Variants in UGT2B11 observed in about 807,000 individuals in gnomAD.
The protein encoded by UGT2B11 is UDP-glucuronosyltransferase 2B11.
In UGT2B11, 49 loss-of-function variants were observed where a neutral mutation model predicts 51.7. The observed-to-expected ratio is 0.95, with a 90% CI of 0.75 to 1.20. The LOEUF (loss-of-function observed/expected upper bound fraction) is 1.20, where lower values mean the gene tolerates loss of function less well. Among genes scored for constraint, UGT2B11 ranks in the 50% most tolerant of loss-of-function variants. The pLI is 0.00. For missense variants in UGT2B11, 810 were observed against 622.1 expected (o/e 1.30, Z -3.21); for synonymous variants, 273 against 209.0 (o/e 1.31, Z -2.64).
intron 2 of UGT2B11, among the ~76,000 whole-genome samples, chr4:69,209,736 A>G (rs965268504): frequency 1.3e-5 from 2 of 151,556 alleles, no homozygotes; most frequent in Non-Finnish European, 3.0e-5. Flanking sequence ...ACCTGTAGCC[A>G]CATTTAATGT....
chr4:69,204,338 A>G (rs193178715), intron 5 of UGT2B11, 92 bp downstream of exon 5: 145 of 1,526,060 alleles, frequency 9.5e-5, no homozygotes, highest in Non-Finnish European at 1.2e-4. Context: ...TTTCAAGATT[A>G]CTCTCTTATA....
intron 5 of UGT2B11, among the ~76,000 whole-genome samples, chr4:69,200,999 T>C (rs1453235578): frequency 5.3e-5 from 8 of 151,178 alleles, no homozygotes; most frequent in Admixed American, 2.0e-4. Context: ...TGGCTTTTAA[T>C]TGTTTAATGT....
upstream of UGT2B11, among the ~76,000 whole-genome samples, chr4:69,219,660 G>T (rs1722362436): frequency 6.6e-6 from 1 of 152,128 alleles, no homozygotes; most frequent in African/African-American, 2.4e-5. Flanking sequence ...ATGGAGGCAG[G>T]CAAGAAGACT....
At position 69,214,017 on chromosome 4, in the gene UGT2B11, A is replaced by G. The variant is rs1161562528; in HGVS notation, c.706T>C (p.Tyr236His). 1.3e-6 allele frequency: 2 copies of G among 1,585,834 alleles called. No homozygotes were observed. The highest frequency in any genetic ancestry group is 1.7e-4 in the Middle Eastern group (1 of 5,896). ...AAATTCTTACCTAAAACTTCACTGT[A>G]AAACTGATCCCACTTCTTCATATCA... ...MSDMKKWDQFYSEVLGRPTTL... is the reference protein window; with the variant it reads ...MSDMKKWDQFHSEVLGRPTTL... The change falls in exon 1 of 6, where the codon TAC (tyrosine) becomes CAC (histidine). Residue 236 changes from tyrosine (Y) to histidine (H), a missense_variant. Physicochemically the swap from Tyr to His is moderately conservative, Grantham distance 83. Coordinates refer to ENST00000446444, the MANE Select transcript of UGT2B11 (RefSeq NM_001073.3).
In UGT2B11 at chr4:69,200,542, A is replaced by G; in HGVS notation, c.1488T>C (p.Phe496=). 1.9e-6 allele frequency: 3 copies of G among 1,612,436 alleles called. No homozygotes were observed. The highest frequency in any genetic ancestry group is 2.5e-6 in the Non-Finnish European group (3 of 1,178,986). The change falls in exon 6 of 6, where the codon TTT becomes TTC. Residue 496 remains phenylalanine, a synonymous_variant. Coordinates refer to ENST00000446444, the MANE Select transcript of UGT2B11 (RefSeq NM_001073.3). The part of the protein sequence containing the change: ...FQYHSLDVIG[F]LLACVATVIF... Reference sequence around the variant, plus strand: ...TCACAGTTGCCACACAGGCCAGCAGAAACCCAATCACATCCAAAGAGTGGT... The same window carrying G: ...TCACAGTTGCCACACAGGCCAGCAGGAACCCAATCACATCCAAAGAGTGGT...
Position 69,204,661 on chromosome 4 carries a change from T to A in UGT2B11, c.1091-12A>T. ...GGTTTTTGGATGACCTAGGATTGGATGAATTTTAGCAAAATTATTCATAGG... is the reference window on the plus strand; with the variant it reads ...GGTTTTTGGATGACCTAGGATTGGAAGAATTTTAGCAAAATTATTCATAGG... On this transcript the variant is annotated splice_polypyrimidine_tract_variant and intron_variant, in intron 4 of 5. Coordinates refer to ENST00000446444, the MANE Select transcript of UGT2B11 (RefSeq NM_001073.3). The A allele has an allele frequency of 1.9e-6, 3 of 1,611,076 alleles. No homozygotes were observed. Among genetic ancestry groups the A allele is most frequent in the East Asian group, 2.2e-5 (1 of 44,704 alleles).
intron 2 of UGT2B11, among the ~76,000 whole-genome samples, chr4:69,210,117 T>C (rs1465522383): frequency 6.6e-6 from 1 of 151,578 alleles, no homozygotes; most frequent in African/African-American, 2.4e-5. Flanking sequence ...TTGTTATATT[T>C]ATCATTTTCC....
At chr4:69,211,636 G>A (rs899152340) in intron 2 of UGT2B11, among the ~76,000 whole-genome samples, 1 of 151,458 alleles carries the variant, frequency 6.6e-6, no homozygotes, top group Non-Finnish European at 1.5e-5. Flanking sequence ...AACACAATAT[G>A]AAGTTGGCAC....
chr4:69,221,545 T>A, the UGT2B11 span, among the ~76,000 whole-genome samples: 1 of 152,240 alleles, frequency 6.6e-6, no homozygotes, highest in African/African-American at 2.4e-5. Context: ...ATGTAGATAA[T>A]GGCCCCAGCT....
chr4:69,208,546 T>C, intron 2 of UGT2B11, 64 bp from the exon 3 acceptor site: 2 of 1,569,104 alleles, frequency 1.3e-6, no homozygotes, highest in East Asian at 2.3e-5. Context: ...CTGAAAGAAT[T>C]GGTACCAAAT....
intron 3 of UGT2B11, among the ~76,000 whole-genome samples, chr4:69,205,965 C>A (rs1298625698): frequency 6.6e-6 from 1 of 151,458 alleles, no homozygotes; most frequent in African/African-American, 2.4e-5. Context: ...ATTAAAAATT[C>A]AAAAAATATC....
At chr4:69,206,479 G>A (rs1301047360) in intron 3 of UGT2B11, among the ~76,000 whole-genome samples, 1 of 151,480 alleles carries the variant, frequency 6.6e-6, no homozygotes, top group Non-Finnish European at 1.5e-5. Context: ...ATTGGAGGGT[G>A]GAGGGTGGGA....
intron 2 of UGT2B11, among the ~76,000 whole-genome samples, chr4:69,208,856 C>T (rs192178897): frequency 1.2e-3 from 177 of 151,610 alleles, no homozygotes; most frequent in Middle Eastern, 3.4e-3. Context: ...GGCTTTAATC[C>T]TATGTTTTTG....
In UGT2B11 at chr4:69,209,802, C is replaced by A. The variant is rs534283494; in HGVS notation, c.871-1320G>T. Among the ~76,000 whole-genome samples the A allele has an allele frequency of 3.3e-5, 5 of 151,566 alleles. No individual in the cohort carries two copies. The East Asian group carries it at 9.8e-4, about 30-fold the overall frequency. On this transcript the variant is annotated intron_variant, in intron 2 of 5. Transcript: ENST00000446444. ...TTGATATCAGAGCCTTGTTTTTCTACTAGGTGTTGAAGGAATCTAATCTCT... is the reference window on the plus strand; with the variant it reads ...TTGATATCAGAGCCTTGTTTTTCTAATAGGTGTTGAAGGAATCTAATCTCT...
chr4:69,212,687 T>A lies in UGT2B11; in HGVS notation c.756A>T (p.Lys252Asn). 6.2e-7 allele frequency: 1 copy of A among 1,609,430 alleles called. No individual in the cohort carries two copies. Among genetic ancestry groups the A allele is most frequent in the Non-Finnish European group, 8.5e-7 (1 of 1,177,452 alleles). Residue 252 changes from lysine to asparagine, a missense_variant, in exon 2 of 6, where the codon AAA becomes AAT. Transcript: ENST00000446444. ...RPTTLFETMG[K>N]ADIWLMRNSW... The stretch of plus-strand genomic sequence containing the variant: ...AGTTTCGCATAAGCCATATGTCAGC[T>A]TTTCCCATTGTCTCAAATAAGGTAG...
chr4:69,211,280 A>T (rs1215408572), intron 2 of UGT2B11: 1 of 151,568 alleles, frequency 6.6e-6, no homozygotes, highest in African/African-American at 2.4e-5. Flanking sequence ...GTTGAGGAAG[A>T]GTTTTAAGCT....
Position 69,205,599 on chromosome 4 carries a change from G to A in UGT2B11, c.1003-32C>T, listed in dbSNP as rs371099099. 3.4e-5 allele frequency: 54 copies of A among 1,597,812 alleles called. No individual in the cohort carries two copies. In the African/African-American group the frequency reaches 6.6e-4, roughly 20 times the overall value. On this transcript the variant is annotated intron_variant, in intron 3 of 5. Transcript: ENST00000446444. ...CAGTAAAGAGAATATCTTATTCCATGAGTGGAACTCAAAAATTATAGAATG... is the reference window on the plus strand; with the variant it reads ...CAGTAAAGAGAATATCTTATTCCATAAGTGGAACTCAAAAATTATAGAATG...
upstream of UGT2B11, chr4:69,215,432 G>A (rs1399036538): frequency 4.6e-5 from 7 of 151,866 alleles, no homozygotes; most frequent in Non-Finnish European, 1.0e-4. Context: ...TGTTTTTAAA[G>A]GACCATCCGT....
Position 69,212,736 on chromosome 4 carries a change from G to T in UGT2B11, c.722-15C>A. On this transcript the variant is annotated splice_polypyrimidine_tract_variant and intron_variant, in intron 1 of 5. Transcript: ENST00000446444. Reference sequence around the variant, plus strand: ...AGTGGGTCTTCCTGACAGGAATAAAGAAAAGAAAAAGTGGATGATGTAAGA... The same window carrying T: ...AGTGGGTCTTCCTGACAGGAATAAATAAAAGAAAAAGTGGATGATGTAAGA... 1 of 1,588,820 alleles carries T rather than the reference G, an allele frequency of 6.3e-7. No homozygotes were observed. The highest frequency in any genetic ancestry group is 8.5e-7 in the Non-Finnish European group (1 of 1,172,174).
Sources: gnomAD v4.1 joint callset for allele counts (sites outside exome capture counted in the v4.1 genomes callset) on GRCh38, gnomAD v4.1.1 for gene constraint, MANE v1.5 for transcripts, NCBI Gene and HGNC (gene_info 2026-07-23, HGNC 2026-07-21) for gene names.